PCDH11X: variants seen among roughly 807,000 people sequenced by gnomAD.
PCDH11X encodes the protein protocadherin 11 X-linked.
PCDH11X carries 18 observed loss-of-function variants against 53.3 expected under a neutral mutation model. The ratio of observed to expected loss-of-function variants is 0.34; its 90% CI spans 0.23 to 0.50. The LOEUF is 0.50. Ranked by LOEUF, PCDH11X falls within the 20% of genes least tolerant of loss-of-function variation. The pLI is 0.98. For missense variants in PCDH11X, 570 were observed against 1,032.4 expected (o/e 0.55, Z 6.14); for synonymous variants, 279 against 393.3 (o/e 0.71, Z 3.44).
At chrX:92,496,971 A>G (rs1316742184) in intron 10 of PCDH11X, among the ~76,000 whole-genome samples, 2 of 110,590 alleles carry the variant, frequency 1.8e-5, no homozygotes, top group Non-Finnish European at 3.8e-5. Flanking sequence ...GTTCCATAGC[A>G]CTCTGAGATA....
intron 5 of PCDH11X, among the ~76,000 whole-genome samples, chrX:91,840,020 C>T: frequency 9.0e-6 from 1 of 110,977 alleles, no homozygotes; most frequent in Non-Finnish European, 1.9e-5. Context: ...TTCAGATGGC[C>T]TGTTATTTAT....
At chrX:92,277,205 G>T (rs1222527272) in intron 8 of PCDH11X, among the ~76,000 whole-genome samples, 4 of 110,071 alleles carry the variant, frequency 3.6e-5, no homozygotes, top group African/African-American at 1.0e-4. Flanking sequence ...AGATTTGGGA[G>T]GAGTTGCACT....
chrX:92,614,264 A>C (rs990805751), intron 10 of PCDH11X, among the ~76,000 whole-genome samples: 4 of 109,723 alleles, frequency 3.6e-5, no homozygotes, highest in African/African-American at 1.0e-4. Flanking sequence ...GAATGTTGGC[A>C]CTTCTCATTT....
chrX:91,781,888 G>A (rs189870077), intron 1 of PCDH11X, among the ~76,000 whole-genome samples: 1 of 112,678 alleles, frequency 8.9e-6, no homozygotes, highest in Non-Finnish European at 1.9e-5. Context: ...AAGAATTGCC[G>A]CGACAGTTCC....
At chrX:92,033,911 G>T (rs1383121101) in intron 6 of PCDH11X, among the ~76,000 whole-genome samples, 1 of 108,931 alleles carries the variant, frequency 9.2e-6, no homozygotes, top group Non-Finnish European at 1.9e-5. Flanking sequence ...TTTCCGCTTA[G>T]TAGTACTTTT....
chrX:91,863,920 T>C (rs1051622727), intron 5 of PCDH11X, among the ~76,000 whole-genome samples: 9 of 112,032 alleles, frequency 8.0e-5, no homozygotes, highest in African/African-American at 2.6e-4. Context: ...CCCCAAGCTT[T>C]TTAACTTTTT....
chrX:92,106,073 T>C (rs1171302760), intron 6 of PCDH11X, among the ~76,000 whole-genome samples: 3 of 111,211 alleles, frequency 2.7e-5, no homozygotes, highest in African/African-American at 9.9e-5. Flanking sequence ...TTTAAAATGA[T>C]AAAATGGTAA....
intron 4 of PCDH11X, among the ~76,000 whole-genome samples, chrX:91,828,562 A>G (rs1937002269): frequency 9.0e-6 from 1 of 111,373 alleles, no homozygotes; most frequent in South Asian, 3.8e-4. Flanking sequence ...AAATCACAGA[A>G]ATAATATTAA....
intron 6 of PCDH11X, among the ~76,000 whole-genome samples, chrX:91,884,607 C>T (rs1258343745): frequency 1.8e-5 from 2 of 111,652 alleles, no homozygotes; most frequent in Non-Finnish European, 3.8e-5. Flanking sequence ...ATTTCCTACA[C>T]GAATGAGAAA....
chrX:92,491,315 A>G (rs1443508272), intron 10 of PCDH11X, among the ~76,000 whole-genome samples: 1 of 111,254 alleles, frequency 9.0e-6, no homozygotes. Context: ...AGTGAAATTG[A>G]GCAAGTATAG....
At chrX:92,597,180 A>G (rs1297319756) in intron 10 of PCDH11X, among the ~76,000 whole-genome samples, 1 of 111,473 alleles carries the variant, frequency 9.0e-6, no homozygotes, top group Non-Finnish European at 1.9e-5. Context: ...TCCTAGCTAG[A>G]GCAATCAGAC....
At chrX:92,435,985 C>T (rs903234766) in intron 9 of PCDH11X, among the ~76,000 whole-genome samples, 1 of 109,590 alleles carries the variant, frequency 9.1e-6, no homozygotes, top group African/African-American at 3.3e-5. Flanking sequence ...TTAAAAGGCA[C>T]TGAGTGACAA....
chrX:92,597,345 T>TA (rs1170638539), intron 10 of PCDH11X, among the ~76,000 whole-genome samples: 4 of 110,234 alleles, frequency 3.6e-5, no homozygotes, highest in African/African-American at 1.3e-4. Flanking sequence ...CGATATGAAA[T>TA]AAAAATACAA....
intron 10 of PCDH11X, among the ~76,000 whole-genome samples, chrX:92,551,087 T>C (rs1329302492): frequency 1.8e-5 from 2 of 110,881 alleles, no homozygotes; most frequent in Non-Finnish European, 3.8e-5. Context: ...TTTCCTTTCT[T>C]TTTGGTATAT....
chrX:92,585,622 G>A (rs1370873280), intron 10 of PCDH11X, among the ~76,000 whole-genome samples: 9 of 109,601 alleles, frequency 8.2e-5, no homozygotes, highest in East Asian at 2.9e-4. Context: ...CACCCGCCTC[G>A]GCCTCCCAAA....
chrX:91,784,996 A>G (rs1935280990), intron 1 of PCDH11X, among the ~76,000 whole-genome samples: 1 of 107,893 alleles, frequency 9.3e-6, no homozygotes, highest in Non-Finnish European at 1.9e-5. Context: ...AATTTGTTAT[A>G]TATTTTTATT....
chrX:92,436,223 A>T (rs1397434474), intron 9 of PCDH11X, among the ~76,000 whole-genome samples: 1 of 107,922 alleles, frequency 9.3e-6, no homozygotes, highest in Non-Finnish European at 1.9e-5. Flanking sequence ...ATATGAAAAA[A>T]ATCTCAATAT....
intron 8 of PCDH11X, among the ~76,000 whole-genome samples, chrX:92,296,035 TC>T (rs1316023262): frequency 9.2e-6 from 1 of 109,068 alleles, no homozygotes; most frequent in Non-Finnish European, 1.9e-5. Flanking sequence ...TGAGCCGAGA[TC>T]GTGCCATTGC....
intron 8 of PCDH11X, among the ~76,000 whole-genome samples, chrX:92,381,964 A>T (rs1352620846): frequency 9.0e-6 from 1 of 110,898 alleles, no homozygotes; most frequent in Non-Finnish European, 1.9e-5. Context: ...ATCACTGACA[A>T]TGGAGTAAGT....
Sources: gnomAD v4.1 joint callset for allele counts (sites outside exome capture counted in the v4.1 genomes callset) on GRCh38, gnomAD v4.1.1 for gene constraint, MANE v1.5 for transcripts, NCBI Gene and HGNC (gene_info 2026-07-23, HGNC 2026-07-21) for gene names.